Variants in CDH22 observed in about 807,000 individuals in gnomAD.
CDH22 encodes cadherin 22.
Under a neutral mutation model 58.4 loss-of-function variants are expected in CDH22, and 30 were observed. That is an observed-to-expected ratio of 0.51 (90% CI 0.38 to 0.70). CDH22 has a LOEUF of 0.70. Ranked by LOEUF, CDH22 falls within the 30% of genes least tolerant of loss-of-function variation. The probability of loss-of-function intolerance (pLI) is 0.00; values close to 1 mark genes in which losing one functional copy is unlikely to be tolerated. For synonymous variants in CDH22, 513 were observed against 558.2 expected (o/e 0.92, Z 1.14); for missense variants, 1,014 against 1,233.9 (o/e 0.82, Z 2.67).
intron 8 of CDH22, among the ~76,000 whole-genome samples, chr20:46,197,515 G>A (rs531690602): frequency 2.8e-4 from 43 of 152,236 alleles, no homozygotes; most frequent in Non-Finnish European, 5.0e-4. Flanking sequence ...TGATAGGCTG[G>A]TGGCGGAGGG....
At chr20:46,190,459 C>T (rs1257311056) in intron 8 of CDH22, among the ~76,000 whole-genome samples, 1 of 152,220 alleles carries the variant, frequency 6.6e-6, no homozygotes, top group African/African-American at 2.4e-5. Context: ...GGCTTAGACC[C>T]AGGCCCAAGT....
intron 10 of CDH22, 108 bp downstream of exon 10, chr20:46,186,480 G>T: frequency 1.3e-6 from 1 of 783,056 alleles, no homozygotes; most frequent in Non-Finnish European, 2.1e-6. Flanking sequence ...TGTGATCTTA[G>T]ATCCAACATA....
intron 10 of CDH22, among the ~76,000 whole-genome samples, chr20:46,181,627 CCCTT>C (rs1318028499): frequency 1.5e-4 from 21 of 142,962 alleles, no homozygotes; most frequent in South Asian, 7.1e-4. Context: ...CTCCCTCCCT[CCCTT>C]CCTTCCTTCT....
rs1234541921 is a variant in CDH22, at chr20:46,186,891, C to T, written c.1480G>A (p.Asp494Asn). Residue 494 changes from aspartate (D) to asparagine (N), a missense_variant, in exon 9 of 12, where the codon GAC (aspartate) becomes AAC (asparagine). This residue lies in a region of CDH22 where 806 missense variants were observed against 1,038.7 expected (regional missense o/e 0.78). Coordinates refer to ENST00000537909, the MANE Select transcript of CDH22 (RefSeq NM_021248.3). ...GGTGTGGCCAGTTCTGGGGGATTGTCGTTCACATCCAGGATTCGGATCCTT... is the reference window on the plus strand; with the variant it reads ...GGTGTGGCCAGTTCTGGGGGATTGTTGTTCACATCCAGGATTCGGATCCTT... ...SLRIRILDVN[D>N]NPPELATPYE... 4.3e-6 allele frequency: 7 copies of T among 1,611,788 alleles called. No individual in the cohort carries two copies. The highest frequency in any genetic ancestry group is 4.5e-5 in the East Asian group (2 of 44,866).
At chr20:46,269,102 A>G (rs2425824) in intron 1 of CDH22, among the ~76,000 whole-genome samples, 60,957 of 152,000 alleles carry the variant, frequency 0.4, 12,727 homozygotes, top group Middle Eastern at 0.6. Context: ...TTATTTTGAC[A>G]CTGACTGCCC....
At position 46,283,308 on chromosome 20, in the gene CDH22, C is replaced by A. The variant is rs1164628799; in HGVS notation, c.-400+24947G>T. Among the ~76,000 whole-genome samples, 6 of 152,166 alleles carry A rather than the reference C, an allele frequency of 3.9e-5. No individual in the cohort carries two copies. The South Asian group carries it at 1.2e-3, about 32-fold the overall frequency. ...CTGAGTAGAGTGGACAGGACATGAGCTCCAGAATTACACAGACTCAGATTC... is the reference window on the plus strand; with the variant it reads ...CTGAGTAGAGTGGACAGGACATGAGATCCAGAATTACACAGACTCAGATTC... On this transcript the variant is annotated intron_variant, in intron 1 of 11. Transcript: ENST00000537909.
intron 1 of CDH22, among the ~76,000 whole-genome samples, chr20:46,266,921 T>C (rs1003119538): frequency 1.3e-5 from 2 of 151,788 alleles, no homozygotes; most frequent in Non-Finnish European, 2.9e-5. Context: ...CTTTTTTTTT[T>C]TTTTGCCTTT....
chr20:46,270,980 A>G (rs2086485320), intron 1 of CDH22, among the ~76,000 whole-genome samples: 1 of 152,208 alleles, frequency 6.6e-6, no homozygotes, highest in Non-Finnish European at 1.5e-5. Flanking sequence ...TGAAGCTTGA[A>G]TAGTTGATGA....
At chr20:46,269,653 G>T (rs139978756) in intron 1 of CDH22, among the ~76,000 whole-genome samples, 1 of 152,220 alleles carries the variant, frequency 6.6e-6, no homozygotes, top group Non-Finnish European at 1.5e-5. Flanking sequence ...TCCATTCCAC[G>T]TGGCCCGTTG....
At chr20:46,240,608 A>G (rs1418519807) in intron 3 of CDH22, among the ~76,000 whole-genome samples, 3 of 151,946 alleles carry the variant, frequency 2.0e-5, no homozygotes, top group Non-Finnish European at 4.4e-5. Flanking sequence ...TGTAGTGGTG[A>G]GTTGTATGCG....
At chr20:46,177,891 A>G in intron 11 of CDH22, 55 bp downstream of exon 11, 1 of 1,591,254 alleles carries the variant, frequency 6.3e-7, no homozygotes, top group Non-Finnish European at 8.6e-7. Flanking sequence ...AAGGAAACCC[A>G]GGACGCCAGG....
At chr20:46,223,720 T>C (rs2086148484) in intron 4 of CDH22, among the ~76,000 whole-genome samples, 1 of 72,510 alleles carries the variant, frequency 1.4e-5, no homozygotes, top group Non-Finnish European at 2.7e-5. Context: ...TTTCTTTTTC[T>C]TTCTTTCTCT....
At chr20:46,279,213 A>G (rs2086536571) in intron 1 of CDH22, among the ~76,000 whole-genome samples, 1 of 152,218 alleles carries the variant, frequency 6.6e-6, no homozygotes. Flanking sequence ...GTATATTATA[A>G]CTATTATCAT....
At chr20:46,261,386 T>C (rs2086432259) in intron 1 of CDH22, among the ~76,000 whole-genome samples, 1 of 152,234 alleles carries the variant, frequency 6.6e-6, no homozygotes, top group East Asian at 1.9e-4. Context: ...TATTCAGTCA[T>C]GTATTTATTT....
At chr20:46,284,649 G>A (rs1351361991) in intron 1 of CDH22, among the ~76,000 whole-genome samples, 1 of 152,198 alleles carries the variant, frequency 6.6e-6, no homozygotes, top group African/African-American at 2.4e-5. Flanking sequence ...TGCTGGTCCA[G>A]TGGCTCAGTA....
At chr20:46,225,508 C>T (rs142391177) in intron 4 of CDH22, among the ~76,000 whole-genome samples, 38 of 152,174 alleles carry the variant, frequency 2.5e-4, no homozygotes, top group Admixed American at 2.0e-3. Flanking sequence ...AATACATGTA[C>T]CTTATTTTCT....
intron 1 of CDH22, among the ~76,000 whole-genome samples, chr20:46,289,973 G>A (rs2086593480): frequency 6.6e-6 from 1 of 152,222 alleles, no homozygotes; most frequent in African/African-American, 2.4e-5. Flanking sequence ...AGAGTTTAGG[G>A]TTAGGGTCTG....
Position 46,210,799 on chromosome 20 carries a change from G to A in CDH22, c.1033-239C>T, listed in dbSNP as rs1355403680. Among the ~76,000 whole-genome samples the A allele has an allele frequency of 6.6e-6, 1 of 152,218 alleles. No homozygotes were observed. Among genetic ancestry groups the A allele is most frequent in the South Asian group, 2.1e-4 (1 of 4,834 alleles). ...AAGGACACAGCCACTCCAGGCTAAC[G>A]CGCTGAGCACCCAAACTTCCTGCTT... On this transcript the variant is annotated intron_variant, in intron 6 of 11. Transcript: ENST00000537909. This position sits in a 1 kb window ranked among gnomAD's most constrained non-coding sequence, Gnocchi z 4.5.
At chr20:46,224,702 C>T (rs1345797610) in intron 4 of CDH22, among the ~76,000 whole-genome samples, 1 of 152,204 alleles carries the variant, frequency 6.6e-6, no homozygotes, top group Non-Finnish European at 1.5e-5. Context: ...AATCCTACTA[C>T]ATGGAAAGAA....
Sources: gnomAD v4.1 joint callset for allele counts (sites outside exome capture counted in the v4.1 genomes callset) on GRCh38, gnomAD v4.1.1 for gene constraint, gnomAD v4.1.1 regional missense constraint, Gnocchi (gnomAD v3.1) non-coding constraint, MANE v1.5 for transcripts, NCBI Gene and HGNC (gene_info 2026-07-23, HGNC 2026-07-21) for gene names.